The following PLCXD3 variants were observed in gnomAD, a reference collection of about 807,000 sequenced individuals.
PLCXD3 encodes PI-PLC X domain-containing protein 3.
PLCXD3 carries 19 observed loss-of-function variants against 25.5 expected under a neutral mutation model. The ratio of observed to expected loss-of-function variants is 0.75; its 90% CI spans 0.52 to 1.09. The LOEUF (loss-of-function observed/expected upper bound fraction) is 1.09. Among genes scored for constraint, PLCXD3 ranks in the 50% least tolerant of loss-of-function variants. PLCXD3 has a pLI of 0.00. For synonymous variants in PLCXD3, 174 were observed against 137.6 expected (o/e 1.26, Z -1.85); for missense variants, 411 against 388.1 (o/e 1.06, Z -0.50).
intron 1 of PLCXD3, among the ~76,000 whole-genome samples, chr5:41,437,728 T>G (rs994381089): frequency 6.6e-6 from 1 of 152,148 alleles, no homozygotes; most frequent in Non-Finnish European, 1.5e-5. Context: ...GCAAAAAGTT[T>G]GGACTTGATA....
intron 1 of PLCXD3, among the ~76,000 whole-genome samples, chr5:41,410,141 C>CTTTTTTTTTTTTTT (rs5867553): frequency 3.3e-5 from 4 of 121,398 alleles, no homozygotes; most frequent in Admixed American, 8.4e-5. Flanking sequence ...TTTTATTTAT[C>CTTTTTTTTTTTTTT]TTTTTTTTTT....
intron 1 of PLCXD3, among the ~76,000 whole-genome samples, chr5:41,444,807 T>C (rs76836362): frequency 0.011 from 1,628 of 152,296 alleles, 11 homozygotes; most frequent in Middle Eastern, 0.024. Flanking sequence ...AGTTATTTTG[T>C]TAGCACCTGG....
intron 1 of PLCXD3, among the ~76,000 whole-genome samples, chr5:41,497,173 A>G (rs1299839299): frequency 6.6e-6 from 1 of 151,830 alleles, no homozygotes; most frequent in Non-Finnish European, 1.5e-5. Context: ...TCAAAAGACA[A>G]TAAGAAAAAC....
intron 1 of PLCXD3, among the ~76,000 whole-genome samples, chr5:41,480,128 C>T (rs1416807197): frequency 6.6e-6 from 1 of 152,092 alleles, no homozygotes; most frequent in Non-Finnish European, 1.5e-5. Flanking sequence ...TGGTGAAAAC[C>T]TTCCTTTCAA....
intron 1 of PLCXD3, among the ~76,000 whole-genome samples, chr5:41,474,836 G>T (rs1187030046): frequency 2.0e-5 from 3 of 152,056 alleles, no homozygotes; most frequent in Admixed American, 1.3e-4. Flanking sequence ...GTATCCTGTT[G>T]GCAAAGGTCC....
chr5:41,502,426 T>G (rs1227358253), intron 1 of PLCXD3, among the ~76,000 whole-genome samples: 1 of 152,074 alleles, frequency 6.6e-6, no homozygotes, highest in African/African-American at 2.4e-5. Context: ...CTTTTCTTGA[T>G]GGGTCAGAGC....
At chr5:41,377,000 A>G (rs1372788793) in intron 2 of PLCXD3, among the ~76,000 whole-genome samples, 3 of 152,162 alleles carry the variant, frequency 2.0e-5, no homozygotes, top group Admixed American at 6.6e-5. Flanking sequence ...GGGAGATAGC[A>G]TGATGTAATG....
chr5:41,395,769 C>T (rs1388952705), intron 1 of PLCXD3, among the ~76,000 whole-genome samples: 2 of 151,972 alleles, frequency 1.3e-5, no homozygotes, highest in Non-Finnish European at 2.9e-5. Flanking sequence ...AAATCCAAAA[C>T]CTGAACAGAC....
intron 1 of PLCXD3, among the ~76,000 whole-genome samples, chr5:41,475,938 T>C (rs1048816956): frequency 3.9e-5 from 6 of 152,262 alleles, no homozygotes; most frequent in Non-Finnish European, 7.3e-5. Context: ...TGAGCTTTCA[T>C]AGCCCTTTGT....
intron 1 of PLCXD3, among the ~76,000 whole-genome samples, chr5:41,486,456 C>CT (rs1215167804): frequency 6.6e-6 from 1 of 152,082 alleles, no homozygotes; most frequent in Non-Finnish European, 1.5e-5. Context: ...CTATGTCCAG[C>CT]TGCATCAGAG....
chr5:41,335,341 T>C (rs969007859), intron 2 of PLCXD3, among the ~76,000 whole-genome samples: 6 of 152,142 alleles, frequency 3.9e-5, no homozygotes, highest in African/African-American at 2.4e-5. Flanking sequence ...AGTAGTTAGA[T>C]CCACTTAAGA....
chr5:41,502,435 G>C (rs1448688211), intron 1 of PLCXD3, among the ~76,000 whole-genome samples: 1 of 152,006 alleles, frequency 6.6e-6, no homozygotes, highest in South Asian at 2.1e-4. Context: ...ATGGGTCAGA[G>C]CACATCAATT....
At chr5:41,467,911 GTTGA>G in intron 1 of PLCXD3, among the ~76,000 whole-genome samples, 1 of 151,156 alleles carries the variant, frequency 6.6e-6, no homozygotes, top group Non-Finnish European at 1.5e-5. Context: ...TGTTCCATGG[GTTGA>G]TGTCTCTGTT....
At chr5:41,361,203 C>T (rs1744763512) in intron 2 of PLCXD3, among the ~76,000 whole-genome samples, 1 of 152,228 alleles carries the variant, frequency 6.6e-6, no homozygotes, top group South Asian at 2.1e-4. Flanking sequence ...AGTCACAGGC[C>T]TCACCCCACT....
chr5:41,316,222 C>T (rs1458804915), intron 2 of PLCXD3, among the ~76,000 whole-genome samples: 2 of 152,154 alleles, frequency 1.3e-5, no homozygotes, highest in African/African-American at 4.8e-5. Context: ...GTTCCAGGCC[C>T]TAGCTCCCAG....
At chr5:41,446,530 C>T (rs1747507964) in intron 1 of PLCXD3, among the ~76,000 whole-genome samples, 1 of 136,476 alleles carries the variant, frequency 7.3e-6, no homozygotes, top group African/African-American at 2.5e-5. Context: ...TGAATAAGTG[C>T]TAGTTTCTTT....
At chr5:41,468,592 C>A (rs1748078937) in intron 1 of PLCXD3, among the ~76,000 whole-genome samples, 1 of 152,072 alleles carries the variant, frequency 6.6e-6, no homozygotes, top group South Asian at 2.1e-4. Context: ...TCATTTACCT[C>A]CTTGGTTAAA....
rs1743051729 is a variant in PLCXD3, at chr5:41,308,450, T to C, written c.*5167A>G. 6.6e-6 allele frequency: 1 copy of C among 152,170 alleles called. No individual in the cohort carries two copies. Among genetic ancestry groups the C allele is most frequent in the African/African-American group, 2.4e-5 (1 of 41,444 alleles). The allele number at this position is 152,170 out of a possible 1,614,324, so 9.4% of individuals were successfully genotyped here. A position where few individuals can be genotyped will look rare whatever the true frequency, so the allele number is the denominator to read the frequency against. On this transcript the variant is annotated 3_prime_UTR_variant, in exon 3 of 3. Transcript: ENST00000377801. Reference sequence around the variant, plus strand: ...GAAAGAAAGGAAATAAGAAAGTTAATTAATATTCTGTAATCAGATCCAAGC... The same window carrying C: ...GAAAGAAAGGAAATAAGAAAGTTAACTAATATTCTGTAATCAGATCCAAGC...
chr5:41,479,662 G>A (rs903373868), intron 1 of PLCXD3, among the ~76,000 whole-genome samples: 1 of 151,718 alleles, frequency 6.6e-6, no homozygotes, highest in African/African-American at 2.4e-5. Flanking sequence ...TAATAATTTT[G>A]CATTATAAAA....
Sources: gnomAD v4.1 joint callset for allele counts (sites outside exome capture counted in the v4.1 genomes callset) on GRCh38, gnomAD v4.1.1 for gene constraint, MANE v1.5 for transcripts, NCBI Gene and HGNC (gene_info 2026-07-23, HGNC 2026-07-21) for gene names.